SIN3B: variants seen among roughly 807,000 people sequenced by gnomAD.
SIN3B encodes the protein SIN3 transcription regulator family member B, also known as paired amphipathic helix protein Sin3b.
In SIN3B, 19 loss-of-function variants were observed where a neutral mutation model predicts 120.2. The observed-to-expected ratio is 0.16, with a 90% CI of 0.11 to 0.23. SIN3B has a LOEUF of 0.23. Ranked by LOEUF, SIN3B falls within the 10% of genes least tolerant of loss-of-function variation. The pLI, the probability that SIN3B is intolerant of heterozygous loss-of-function variation, is 1.00. For missense variants in SIN3B, 1,073 were observed against 1,573.0 expected, an observed-to-expected ratio of 0.68 and a Z score of 5.38; for synonymous variants, 654 against 653.2, an observed-to-expected ratio of 1.00 and a Z score of -0.02.
intron 11 of SIN3B, 26 bp downstream of exon 11, chr19:16,865,674 T>C (rs1971760506): frequency 7.1e-7 from 1 of 1,403,600 alleles, no homozygotes; most frequent in East Asian, 2.5e-5. Context: ...CCGACTTCCC[T>C]TCCCCTTCCC....
chr19:16,862,979 G>T lies in SIN3B; in HGVS notation c.1266+420G>T. On this transcript the variant is annotated intron_variant, in intron 9 of 18. Transcript: ENST00000248054. The surrounding 1 kb of genome is among the most constrained non-coding windows in gnomAD (Gnocchi z 4.7). ...GCTGGATTCCAGGATATAGTGCAGG[G>T]GTCAGCAAACTCTGGCCCACGGGCC... 6.2e-7 allele frequency: 1 copy of T among 1,612,952 alleles called. No individual in the cohort carries two copies. The highest frequency in any genetic ancestry group is 8.5e-7 in the Non-Finnish European group (1 of 1,178,938).
At chr19:16,836,957 A>G (rs1228284448) in intron 3 of SIN3B, among the ~76,000 whole-genome samples, 2 of 152,108 alleles carry the variant, frequency 1.3e-5, no homozygotes, top group African/African-American at 2.4e-5. Context: ...GGGTTTATTC[A>G]GAGGCCCTGC....
intron 10 of SIN3B, 43 bp from the exon 11 acceptor site, chr19:16,865,367 G>A: frequency 1.4e-6 from 2 of 1,402,354 alleles, no homozygotes; most frequent in Middle Eastern, 4.1e-4. Context: ...GAGGCCTCTT[G>A]AGTTCCCCAG....
chr19:16,865,748 A>C (rs1971763389), intron 11 of SIN3B, 100 bp downstream of exon 11: 1 of 787,358 alleles, frequency 1.3e-6, no homozygotes, highest in Admixed American at 3.0e-5. Context: ...TGGAGAGCTC[A>C]TTAGTGCTGT....
At chr19:16,854,298 T>C in intron 8 of SIN3B, 37 bp downstream of exon 8, 1 of 1,332,140 alleles carries the variant, frequency 7.5e-7, no homozygotes, top group Non-Finnish European at 1.1e-6. Flanking sequence ...CTAGGGGGGT[T>C]CTGTTCCTGT....
intron 8 of SIN3B, among the ~76,000 whole-genome samples, chr19:16,857,150 T>C (rs1456459530): frequency 2.6e-5 from 4 of 152,242 alleles, no homozygotes; most frequent in African/African-American, 9.6e-5. Context: ...AATATAGTAA[T>C]TCTTGATCAC....
chr19:16,878,829 C>T lies in SIN3B; in HGVS notation c.*102C>T, dbSNP rs1026762733. ...TTCTTGAACGACGTGAGAGGCATCT[C>T]CCAGCCCCTCTGCTGCCGGACAGCG... On this transcript the variant is annotated 3_prime_UTR_variant, in exon 19 of 19. Transcript: ENST00000248054. 39 of 1,026,708 alleles carry T rather than the reference C, an allele frequency of 3.8e-5. No individual in the cohort carries two copies. Among genetic ancestry groups the T allele is most frequent in the Non-Finnish European group, 5.1e-5 (36 of 710,544 alleles). 63.6% of individuals were successfully genotyped at this position (1,026,708 alleles called of 1,614,324 possible). A position where few individuals can be genotyped will look rare whatever the true frequency, so the allele number is the denominator to read the frequency against.
At chr19:16,849,817 G>A (rs760268748) in intron 5 of SIN3B, among the ~76,000 whole-genome samples, 27 of 152,084 alleles carry the variant, frequency 1.8e-4, no homozygotes, top group African/African-American at 5.3e-4. Context: ...ATAGCCAAGC[G>A]TGGTGGCTCG....
At chr19:16,869,421 G>A (rs2051474650) in intron 12 of SIN3B, 39 bp from the exon 13 acceptor site, 1 of 1,558,568 alleles carries the variant, frequency 6.4e-7, no homozygotes, top group Non-Finnish European at 8.7e-7. Context: ...TCTGGGTGCT[G>A]GGTGGCTTTC....
At chr19:16,831,762 C>G (rs1197109500) in intron 3 of SIN3B, 115 bp downstream of exon 3, 2 of 883,438 alleles carry the variant, frequency 2.3e-6, no homozygotes, top group Admixed American at 2.3e-5. Flanking sequence ...AAGATCTGTT[C>G]TTTTTCTAGA....
chr19:16,873,250 G>A (rs575280424), intron 14 of SIN3B, among the ~76,000 whole-genome samples: 9 of 152,272 alleles, frequency 5.9e-5, no homozygotes, highest in Admixed American at 2.6e-4. Flanking sequence ...TTTCCGTTGC[G>A]TCTGCCTTGT....
intron 3 of SIN3B, among the ~76,000 whole-genome samples, chr19:16,833,710 G>T (rs149377368): frequency 6.6e-6 from 1 of 151,334 alleles, no homozygotes; most frequent in East Asian, 2.0e-4. Flanking sequence ...AAGCCAAGGA[G>T]CGAGTCTCAG....
chr19:16,869,876 C>T lies in SIN3B; in HGVS notation c.2223C>T (p.Ser741=). ...APHKPLDDVY[S]LFFANNNWYF... ...ACAAGCCCCTGGACGATGTCTACAG[C>T]CTATTTTTTGCCAACAACAACTGGT... The change falls in exon 13 of 19, where the codon AGC becomes AGT. Residue 741 remains serine (S), a synonymous_variant. Transcript: ENST00000248054. 1 of 1,614,242 alleles carries T rather than the reference C, an allele frequency of 6.2e-7. No homozygotes were observed. Among genetic ancestry groups the T allele is most frequent in the Non-Finnish European group, 8.5e-7 (1 of 1,180,040 alleles).
chr19:16,842,368 G>T (rs1026662470), intron 4 of SIN3B, among the ~76,000 whole-genome samples: 1 of 150,426 alleles, frequency 6.6e-6, no homozygotes, highest in Non-Finnish European at 1.5e-5. Flanking sequence ...CTCCCAAAGT[G>T]CTGGGATTAC....
chr19:16,876,518 C>A lies in SIN3B; in HGVS notation c.2799C>A (p.Ile933=). 6.2e-7 allele frequency: 1 copy of A among 1,613,456 alleles called. No individual in the cohort carries two copies. The highest frequency in any genetic ancestry group is 1.1e-5 in the South Asian group (1 of 91,084). ...VMFLQRKGQV[I]MTIELLDTEE... The stretch of plus-strand genomic sequence containing the variant: ...TCCTGCAGCGCAAAGGGCAGGTGAT[C>A]ATGACCATCGAGCTCCTGGACACCG... The change falls in exon 16 of 19, where the codon ATC becomes ATA. Residue 933 remains isoleucine, a synonymous_variant. Coordinates refer to ENST00000248054, the MANE Select transcript of SIN3B (RefSeq NM_001297595.2). The surrounding 1 kb of genome is among the most constrained non-coding windows in gnomAD (Gnocchi z 7.1).
In SIN3B at chr19:16,876,950, T is replaced by G. The variant is rs1228820829; in HGVS notation, c.2859+372T>G. 1.9e-5 allele frequency: 4 copies of G among 209,262 alleles called. No individual in the cohort carries two copies. The highest frequency in any genetic ancestry group is 9.3e-5 in the African/African-American group (4 of 43,194). The allele number at this position is 209,262 out of a possible 1,614,324, so 13.0% of individuals were successfully genotyped here. A position where few individuals can be genotyped will look rare whatever the true frequency, so the allele number is the denominator to read the frequency against. On this transcript the variant is annotated intron_variant, in intron 16 of 18. Transcript: ENST00000248054. This position sits in a 1 kb window ranked among gnomAD's most constrained non-coding sequence, Gnocchi z 7.1. Reference sequence around the variant, plus strand: ...CCTAATCCCCAGCAGAGGAGCCACCTGGGCCCAGCTCCCAGTCACAATTTT... The same window carrying G: ...CCTAATCCCCAGCAGAGGAGCCACCGGGGCCCAGCTCCCAGTCACAATTTT...
At chr19:16,865,306 AC>A (rs10625481) in intron 10 of SIN3B, 103 bp from the exon 11 acceptor site, 12,823 of 378,878 alleles carry the variant, frequency 0.034, 129 homozygotes, top group Admixed American at 0.08. Context: ...AAATACACAC[AC>A]CCCCCCCCCA....
rs1417811688 is a variant in SIN3B, at chr19:16,853,099, C to A, written c.880C>A (p.Leu294Met). Residue 294 changes from leucine to methionine, a missense_variant, in exon 7 of 19, where the codon CTG becomes ATG. Coordinates refer to ENST00000248054, the MANE Select transcript of SIN3B (RefSeq NM_001297595.2). Reference protein sequence around the residue: ...KKMKLRGTKDLSIAAVGKYGT... With the variant: ...KKMKLRGTKDMSIAAVGKYGT... ...AATGAAACTTCGTGGTACCAAAGAC[C>A]TGTCCATCGCTGCAGTGGGGAAGTA... is the stretch of plus-strand genomic sequence containing the variant. 4 of 1,614,064 alleles carry A rather than the reference C, an allele frequency of 2.5e-6. No individual in the cohort carries two copies. In the African/African-American group the frequency reaches 5.3e-5, roughly 22 times the overall value.
intron 14 of SIN3B, among the ~76,000 whole-genome samples, chr19:16,873,068 C>T (rs1426995486): frequency 1.3e-5 from 2 of 151,960 alleles, no homozygotes; most frequent in Admixed American, 1.3e-4. Context: ...TGTGCGAGGC[C>T]GCACTCTGTG....
Sources: allele counts gnomAD v4.1 joint callset (sites outside exome capture counted in the v4.1 genomes callset), GRCh38; gene constraint gnomAD v4.1.1; non-coding constraint Gnocchi (gnomAD v3.1); transcripts MANE v1.5; gene names NCBI Gene and HGNC (gene_info 2026-07-23, HGNC 2026-07-21).